FCHSD2: variants seen among roughly 807,000 people sequenced by gnomAD.
The protein encoded by FCHSD2 is FCH and double SH3 domains 2, also known as F-BAR and double SH3 domains protein 2.
A neutral mutation model predicts 108.1 loss-of-function variants in FCHSD2; 38 were observed. That is an observed-to-expected ratio of 0.35 (90% confidence interval 0.27 to 0.46). The LOEUF (loss-of-function observed/expected upper bound fraction) is 0.46, where lower values mean the gene tolerates loss of function less well. Ranked by LOEUF, FCHSD2 falls within the 20% of genes least tolerant of loss-of-function variation. The pLI is 1.00. For missense variants in FCHSD2, 751 were observed against 897.8 expected (o/e 0.84, Z 2.09); for synonymous variants, 279 against 314.7 (o/e 0.89, Z 1.20).
intron 9 of FCHSD2, among the ~76,000 whole-genome samples, chr11:72,905,627 C>T (rs1376662617): frequency 2.0e-5 from 3 of 152,036 alleles, no homozygotes; most frequent in Non-Finnish European, 2.9e-5. Flanking sequence ...CGTGATGTTC[C>T]CTACCCTGTG....
intron 2 of FCHSD2, among the ~76,000 whole-genome samples, chr11:73,125,955 T>C (rs1444013649): frequency 6.6e-6 from 1 of 152,166 alleles, no homozygotes; most frequent in Non-Finnish European, 1.5e-5. Context: ...TTTTAATTGA[T>C]GGCTATGATA....
intron 2 of FCHSD2, among the ~76,000 whole-genome samples, chr11:73,138,329 C>T (rs1029692610): frequency 1.3e-5 from 2 of 152,148 alleles, no homozygotes; most frequent in Non-Finnish European, 2.9e-5. Context: ...ATATTCTTGA[C>T]CATAAGCTCC....
chr11:73,089,551 A>G (rs1019957452), intron 2 of FCHSD2, among the ~76,000 whole-genome samples: 4 of 152,258 alleles, frequency 2.6e-5, no homozygotes, highest in African/African-American at 9.6e-5. Flanking sequence ...TCAACTGATG[A>G]ATGTATAAAC....
intron 8 of FCHSD2, among the ~76,000 whole-genome samples, chr11:72,952,433 T>G (rs998778549): frequency 1.3e-5 from 2 of 152,102 alleles, no homozygotes; most frequent in African/African-American, 4.8e-5. Context: ...CAAGTGATTC[T>G]CCTGCCTCAG....
intron 2 of FCHSD2, among the ~76,000 whole-genome samples, chr11:73,135,280 A>G (rs1861096592): frequency 6.6e-6 from 1 of 152,242 alleles, no homozygotes; most frequent in African/African-American, 2.4e-5. Flanking sequence ...GGAAATCAGG[A>G]CAAATAGCTT....
intron 10 of FCHSD2, chr11:72,900,463 G>C: frequency 1.6e-6 from 1 of 614,562 alleles, no homozygotes; most frequent in African/African-American, 1.8e-5. Flanking sequence ...GTTGGGCTGG[G>C]AAAAAGTGAG....
At chr11:72,871,221 G>A (rs538411213) in intron 12 of FCHSD2, among the ~76,000 whole-genome samples, 2 of 152,272 alleles carry the variant, frequency 1.3e-5, no homozygotes, top group South Asian at 4.1e-4. Flanking sequence ...GACAGCTTCT[G>A]CTTCTACTAG....
chr11:72,861,822 T>C (rs1465724234), intron 13 of FCHSD2, among the ~76,000 whole-genome samples: 1 of 151,682 alleles, frequency 6.6e-6, no homozygotes, highest in African/African-American at 2.4e-5. Context: ...TCCCAGCTAC[T>C]TGGGAGGCTG....
At chr11:72,856,382 C>T (rs1861429621) in intron 13 of FCHSD2, among the ~76,000 whole-genome samples, 1 of 152,182 alleles carries the variant, frequency 6.6e-6, no homozygotes, top group Non-Finnish European at 1.5e-5. Context: ...GTAATTATCA[C>T]TGAAGTTTTA....
intron 4 of FCHSD2, among the ~76,000 whole-genome samples, chr11:73,013,695 C>G (rs1377490495): frequency 1.3e-5 from 2 of 152,154 alleles, no homozygotes; most frequent in African/African-American, 4.8e-5. Context: ...ACAGTGTCTG[C>G]CACATAGTAA....
chr11:73,117,860 T>C (rs1189911957), intron 2 of FCHSD2, among the ~76,000 whole-genome samples: 2 of 152,258 alleles, frequency 1.3e-5, no homozygotes, highest in African/African-American at 4.8e-5. Context: ...TAGACAATAA[T>C]ACTCTTCCCT....
intron 8 of FCHSD2, among the ~76,000 whole-genome samples, chr11:72,924,148 C>T (rs1856028698): frequency 1.3e-5 from 2 of 152,050 alleles, no homozygotes; most frequent in South Asian, 4.1e-4. Context: ...GTCATGTTTC[C>T]CAGGCTGGAC....
chr11:73,060,597 T>C (rs1366524227), intron 3 of FCHSD2, among the ~76,000 whole-genome samples: 1 of 152,204 alleles, frequency 6.6e-6, no homozygotes, highest in Admixed American at 6.5e-5. Flanking sequence ...ATGAAGACCA[T>C]GTAATTATTT....
intron 13 of FCHSD2, among the ~76,000 whole-genome samples, chr11:72,864,951 A>G (rs1175369216): frequency 6.6e-6 from 1 of 152,186 alleles, no homozygotes; most frequent in Non-Finnish European, 1.5e-5. Flanking sequence ...CAACGTTGCT[A>G]TACTCTGGGA....
intron 7 of FCHSD2, 106 bp downstream of exon 7, chr11:72,984,956 G>T (rs1857283484): frequency 3.6e-6 from 2 of 557,624 alleles, no homozygotes; most frequent in Non-Finnish European, 6.6e-6. Context: ...ACTTTAAAAT[G>T]CTTCTCTAAG....
intron 8 of FCHSD2, among the ~76,000 whole-genome samples, chr11:72,957,495 GA>G (rs1200861925): frequency 1.3e-5 from 2 of 150,680 alleles, no homozygotes; most frequent in African/African-American, 4.9e-5. Context: ...GTCATAAAAG[GA>G]AAAAAACTGA....
intron 2 of FCHSD2, among the ~76,000 whole-genome samples, chr11:73,114,353 C>A (rs1267189899): frequency 6.6e-6 from 1 of 151,452 alleles, no homozygotes; most frequent in African/African-American, 2.4e-5. Flanking sequence ...TGGCCCAGGG[C>A]AGGTCCAGAA....
intron 3 of FCHSD2, among the ~76,000 whole-genome samples, chr11:73,051,178 T>C (rs1858890213): frequency 6.6e-6 from 1 of 152,038 alleles, no homozygotes; most frequent in South Asian, 2.1e-4. Context: ...TAGCAGGACG[T>C]GGTGTCACAC....
intron 12 of FCHSD2, among the ~76,000 whole-genome samples, chr11:72,873,555 C>A (rs1854907810): frequency 6.6e-6 from 1 of 152,044 alleles, no homozygotes; most frequent in Admixed American, 6.5e-5. Context: ...TTGATAGTGT[C>A]ATTTGAAACA....
Sources: allele counts gnomAD v4.1 joint callset (sites outside exome capture counted in the v4.1 genomes callset), GRCh38; gene constraint gnomAD v4.1.1; transcripts MANE v1.5; gene names NCBI Gene and HGNC (gene_info 2026-07-23, HGNC 2026-07-21).